The following JMJD1C variants were observed in gnomAD, a reference collection of about 807,000 sequenced individuals.
JMJD1C encodes the protein jumonji domain-containing protein 1C.
In JMJD1C, 31 loss-of-function variants were observed where a neutral mutation model predicts 245.3. The observed-to-expected ratio is 0.13, with a 90% CI of 0.09 to 0.17. JMJD1C has a LOEUF of 0.17. JMJD1C is among the 10% of genes least tolerant of loss of function. The pLI, the probability that JMJD1C is intolerant of heterozygous loss-of-function variation, is 1.00. For missense variants in JMJD1C, 2,691 were observed against 3,000.2 expected, an observed-to-expected ratio of 0.90 and a Z score of 2.41; for synonymous variants, 1,057 against 1,017.4, an observed-to-expected ratio of 1.04 and a Z score of -0.74.
intron 3 of JMJD1C, among the ~76,000 whole-genome samples, chr10:63,263,323 TA>T (rs760640556): frequency 1.3e-5 from 2 of 152,202 alleles, no homozygotes; most frequent in Non-Finnish European, 2.9e-5. Flanking sequence ...ATGTTTACAC[TA>T]AATGAACTAA....
At chr10:63,407,132 A>G (rs538607748) in intron 1 of JMJD1C, among the ~76,000 whole-genome samples, 1 of 152,298 alleles carries the variant, frequency 6.6e-6, no homozygotes, top group Admixed American at 6.5e-5. Flanking sequence ...AGGAAGACTG[A>G]CCATAGTCTA....
intron 1 of JMJD1C, among the ~76,000 whole-genome samples, chr10:63,512,581 A>G (rs1954903036): frequency 6.6e-6 from 1 of 152,140 alleles, no homozygotes; most frequent in Admixed American, 6.5e-5. Context: ...GTTTCTCTAT[A>G]GGTAAGGTAT....
At chr10:63,424,466 T>C (rs1950313027) in intron 1 of JMJD1C, among the ~76,000 whole-genome samples, 2 of 150,978 alleles carry the variant, frequency 1.3e-5, no homozygotes, top group South Asian at 4.2e-4. Context: ...CTCAACATCA[T>C]CTTTAACTTA....
chr10:63,318,051 A>C (rs965616472), intron 2 of JMJD1C, among the ~76,000 whole-genome samples: 1 of 152,104 alleles, frequency 6.6e-6, no homozygotes, highest in African/African-American at 2.4e-5. Context: ...TCTATCACCC[A>C]GGCTGGAGTG....
rs182948743 is a variant in JMJD1C at position 63,275,949 on chromosome 10, T to G, written c.334-11185A>C. Among the ~76,000 whole-genome samples, 1,105 of 152,318 alleles carry G rather than the reference T, an allele frequency of 7.3e-3. 14 individuals are homozygous for G. The highest frequency in any genetic ancestry group is 0.011 in the Non-Finnish European group (755 of 68,028). ...ATTTTAACGACTTAAAAAACAGGCA[T>G]GAGTTTATTAAAGCATTAGTTTTAT... On this transcript the variant is annotated intron_variant, in intron 2 of 25. Coordinates refer to ENST00000399262, the MANE Select transcript of JMJD1C (RefSeq NM_032776.3).
In JMJD1C at chr10:63,270,760, G is replaced by A. The variant is rs577311477; in HGVS notation, c.334-5996C>T. Among the ~76,000 whole-genome samples, 20 of 152,228 alleles carry A rather than the reference G, an allele frequency of 1.3e-4. No individual in the cohort carries two copies. The East Asian group carries it at 3.3e-3, about 25-fold the overall frequency. ...TGGGATTTCAGGCATGAGTCACCCT[G>A]ACAGGCCTTATAGTAATTTCTCGTT... On this transcript the variant is annotated intron_variant, in intron 2 of 25. Coordinates refer to ENST00000399262, the MANE Select transcript of JMJD1C (RefSeq NM_032776.3).
chr10:63,203,828 T>C, intron 10 of JMJD1C: 1 of 960,392 alleles, frequency 1.0e-6, no homozygotes, highest in East Asian at 1.1e-4. Context: ...TATGTAATCA[T>C]ATTACATAGT....
intron 2 of JMJD1C, among the ~76,000 whole-genome samples, chr10:63,296,014 T>TA (rs1554877207): frequency 0.1 from 2,395 of 23,758 alleles, 147 homozygotes; most frequent in East Asian, 0.14. Flanking sequence ...TATATATATA[T>TA]TTTTTTTTTT....
intron 2 of JMJD1C, among the ~76,000 whole-genome samples, chr10:63,307,497 C>A (rs1189734459): frequency 6.6e-6 from 1 of 152,042 alleles, no homozygotes; most frequent in Non-Finnish European, 1.5e-5. Flanking sequence ...AGGACAGGGG[C>A]AAAGTGGGTA....
chr10:63,318,341 T>C (rs1940367887), intron 2 of JMJD1C, among the ~76,000 whole-genome samples: 1 of 152,202 alleles, frequency 6.6e-6, no homozygotes. Flanking sequence ...GATCTTTTCT[T>C]TTCCCATGTC....
chr10:63,515,449 T>G (rs1954988164), intron 1 of JMJD1C, among the ~76,000 whole-genome samples: 1 of 152,194 alleles, frequency 6.6e-6, no homozygotes, highest in South Asian at 2.1e-4. Flanking sequence ...CTACGGGGGC[T>G]TCCTTAGGAC....
At position 63,206,680 on chromosome 10, in the gene JMJD1C, T is replaced by G; in HGVS notation, c.4989A>C (p.Glu1663Asp). 6.2e-7 allele frequency: 1 copy of G among 1,613,760 alleles called. No homozygotes were observed. Among genetic ancestry groups the G allele is most frequent in the South Asian group, 1.1e-5 (1 of 91,008 alleles). Residue 1663 changes from glutamate (E) to aspartate (D), a missense_variant, in exon 10 of 26, where the codon GAA (glutamate) becomes GAC (aspartate). Transcript: ENST00000399262. ...KQNDLQKRKG[E>D]IEEDLKPNGV... ...CATTGGGTTTCAAATCTTCTTCTAT[T>G]TCACCTTTTCTCTTTTGCAAATCAT...
intron 1 of JMJD1C, among the ~76,000 whole-genome samples, chr10:63,426,650 G>A (rs1164070403): frequency 2.0e-5 from 3 of 151,884 alleles, no homozygotes; most frequent in Non-Finnish European, 4.4e-5. Flanking sequence ...CAGCCTGGGA[G>A]ACTCCGTCTC....
intron 3 of JMJD1C, among the ~76,000 whole-genome samples, chr10:63,231,588 G>A (rs1850001137): frequency 6.6e-6 from 1 of 152,114 alleles, no homozygotes; most frequent in Non-Finnish European, 1.5e-5. Flanking sequence ...GAAGTCAGGA[G>A]TTCGAGATCA....
chr10:63,395,849 T>C (rs1948449628), intron 1 of JMJD1C, among the ~76,000 whole-genome samples: 1 of 152,110 alleles, frequency 6.6e-6, no homozygotes, highest in South Asian at 2.1e-4. Context: ...CTCAACTCTA[T>C]ACACTGTATA....
chr10:63,378,506 T>C (rs1242379576), intron 2 of JMJD1C, among the ~76,000 whole-genome samples: 1 of 152,018 alleles, frequency 6.6e-6, no homozygotes, highest in African/African-American at 2.4e-5. Flanking sequence ...GCAGGAGAAC[T>C]GCGTGAACCC....
At chr10:63,328,284 A>G (rs1941754349) in intron 2 of JMJD1C, among the ~76,000 whole-genome samples, 1 of 144,282 alleles carries the variant, frequency 6.9e-6, no homozygotes, top group Admixed American at 6.6e-5. Flanking sequence ...TCAAAGAAAA[A>G]AAAAAAGAAA....
intron 2 of JMJD1C, among the ~76,000 whole-genome samples, chr10:63,315,332 AT>A (rs1325225239): frequency 6.6e-6 from 1 of 152,012 alleles, no homozygotes; most frequent in Non-Finnish European, 1.5e-5. Context: ...TGAGTACCAG[AT>A]ATTTAGCTCT....
At chr10:63,417,130 A>T (rs1478936056) in intron 1 of JMJD1C, among the ~76,000 whole-genome samples, 2 of 152,092 alleles carry the variant, frequency 1.3e-5, no homozygotes, top group Non-Finnish European at 2.9e-5. Flanking sequence ...CTTTGAAAAA[A>T]TTTTTTACCC....
Sources: allele counts gnomAD v4.1 joint callset (sites outside exome capture counted in the v4.1 genomes callset), GRCh38; gene constraint gnomAD v4.1.1; transcripts MANE v1.5; gene names NCBI Gene and HGNC (gene_info 2026-07-23, HGNC 2026-07-21).